Variants in WWOX observed in about 807,000 individuals in gnomAD.
The protein encoded by WWOX is WW domain containing oxidoreductase.
WWOX carries 69 observed loss-of-function variants against 46.2 expected under a neutral mutation model. The ratio of observed to expected loss-of-function variants is 1.49; its 90% confidence interval spans 1.23 to 1.82. WWOX has a LOEUF of 1.82. Ranked by LOEUF, WWOX falls within the 40% of genes most tolerant of loss-of-function variation. The pLI is 0.00. For missense variants in WWOX, 919 were observed against 542.6 expected, an observed-to-expected ratio of 1.69 and a Z score of -6.89; for synonymous variants, 359 against 202.6, an observed-to-expected ratio of 1.77 and a Z score of -6.56.
chr16:78,501,662 G>A (rs56168832), intron 8 of WWOX, among the ~76,000 whole-genome samples: 3,179 of 151,712 alleles, frequency 0.021, 84 homozygotes, highest in African/African-American at 0.064. Flanking sequence ...TCAGCCTTCC[G>A]AGTAACTAGG....
chr16:78,361,960 A>G (rs1053872502), intron 5 of WWOX, among the ~76,000 whole-genome samples: 2 of 129,500 alleles, frequency 1.5e-5, no homozygotes, highest in African/African-American at 6.0e-5. Context: ...GCGTAGATTC[A>G]CAGGTATTTC....
At chr16:79,010,258 A>C (rs1259479400) in intron 8 of WWOX, among the ~76,000 whole-genome samples, 2 of 152,144 alleles carry the variant, frequency 1.3e-5, no homozygotes, top group Non-Finnish European at 2.9e-5. Context: ...GGAGCTGGGG[A>C]CTCAGAGAGG....
At chr16:78,106,487 G>A (rs933496265) in intron 1 of WWOX, among the ~76,000 whole-genome samples, 1 of 138,770 alleles carries the variant, frequency 7.2e-6, no homozygotes, top group Non-Finnish European at 1.5e-5. Flanking sequence ...CACGATCTCA[G>A]CTCACCGCAG....
At chr16:78,355,696 G>C (rs1273448090) in intron 5 of WWOX, 3 of 736,528 alleles carry the variant, frequency 4.1e-6, no homozygotes, top group African/African-American at 1.8e-5. Flanking sequence ...TGGGAGACGT[G>C]GAAGAAACTG....
chr16:78,170,104 G>A (rs933187999), intron 5 of WWOX, among the ~76,000 whole-genome samples: 12 of 152,110 alleles, frequency 7.9e-5, no homozygotes, highest in African/African-American at 2.4e-4. Flanking sequence ...TCTCATATGG[G>A]AGGGGTGACC....
chr16:78,733,697 G>A (rs935496875), intron 8 of WWOX, among the ~76,000 whole-genome samples: 1 of 152,030 alleles, frequency 6.6e-6, no homozygotes, highest in African/African-American at 2.4e-5. Flanking sequence ...GGAGGTTGCA[G>A]TGAGCCGAGA....
intron 5 of WWOX, among the ~76,000 whole-genome samples, chr16:78,380,667 C>G (rs1211292629): frequency 1.3e-5 from 2 of 152,106 alleles, no homozygotes; most frequent in East Asian, 1.9e-4. Flanking sequence ...AACTACTGAT[C>G]AGGTATCATG....
chr16:78,349,836 G>A (rs11649644), intron 5 of WWOX, among the ~76,000 whole-genome samples: 59,989 of 118,868 alleles, frequency 0.5, 23,497 homozygotes, highest in African/African-American at 0.64. Flanking sequence ...ACTCAACTTT[G>A]AGCTATATTG....
At chr16:78,296,176 G>T (rs2079940848) in intron 5 of WWOX, among the ~76,000 whole-genome samples, 1 of 152,106 alleles carries the variant, frequency 6.6e-6, no homozygotes, top group Admixed American at 6.5e-5. Context: ...TGGGAAATTT[G>T]TAAAGCCTTA....
chr16:78,669,756 A>G (rs1460969495), intron 8 of WWOX, among the ~76,000 whole-genome samples: 1 of 152,162 alleles, frequency 6.6e-6, no homozygotes, highest in East Asian at 1.9e-4. Context: ...TTCCCTTGAA[A>G]TTTGCATCCA....
intron 8 of WWOX, among the ~76,000 whole-genome samples, chr16:78,632,070 G>A (rs1286064558): frequency 1.3e-5 from 2 of 152,042 alleles, no homozygotes; most frequent in African/African-American, 4.8e-5. Flanking sequence ...ATGAAATCCA[G>A]AAACTGGAGA....
chr16:78,544,841 C>G (rs72803941), intron 8 of WWOX, among the ~76,000 whole-genome samples: 11,548 of 152,174 alleles, frequency 0.076, 549 homozygotes, highest in East Asian at 0.12. Flanking sequence ...CTCCACTGCA[C>G]TCTAGCATGC....
chr16:78,466,022 G>GT (rs1004930875), intron 8 of WWOX, among the ~76,000 whole-genome samples: 7 of 137,116 alleles, frequency 5.1e-5, no homozygotes, highest in African/African-American at 1.3e-4. Context: ...AGTTTCTTTA[G>GT]TTTTTTTTGG....
intron 8 of WWOX, among the ~76,000 whole-genome samples, chr16:79,132,680 A>G (rs1182181581): frequency 6.6e-6 from 1 of 152,016 alleles, no homozygotes; most frequent in Non-Finnish European, 1.5e-5. Flanking sequence ...TATTACTTAT[A>G]TTGTCGCTTA....
intron 5 of WWOX, among the ~76,000 whole-genome samples, chr16:78,278,981 G>A (rs1396164286): frequency 1.3e-5 from 2 of 152,026 alleles, no homozygotes; most frequent in African/African-American, 4.8e-5. Flanking sequence ...CATCTCTATT[G>A]TATTATCTGA....
chr16:79,203,968 C>G (rs1281384064), intron 8 of WWOX: 1 of 152,114 alleles, frequency 6.6e-6, no homozygotes, highest in Non-Finnish European at 1.5e-5. Flanking sequence ...TATAAACACC[C>G]AGCAGTCCTT....
At chr16:78,497,893 A>G (rs1189180720) in intron 8 of WWOX, among the ~76,000 whole-genome samples, 1 of 151,822 alleles carries the variant, frequency 6.6e-6, no homozygotes, top group African/African-American at 2.4e-5. Context: ...TTTAAAGGGA[A>G]TTTGGTATTT....
intron 8 of WWOX, among the ~76,000 whole-genome samples, chr16:78,721,043 T>C (rs2048677252): frequency 6.6e-6 from 1 of 152,082 alleles, no homozygotes. Flanking sequence ...TTCTTATTAG[T>C]CTATAAGATT....
chr16:78,336,345 A>C (rs2080887184), intron 5 of WWOX, among the ~76,000 whole-genome samples: 1 of 150,004 alleles, frequency 6.7e-6, no homozygotes, highest in East Asian at 2.0e-4. Context: ...AAAAAAAAAA[A>C]AACCACAACA....
Sources: allele counts gnomAD v4.1 joint callset (sites outside exome capture counted in the v4.1 genomes callset), GRCh38; gene constraint gnomAD v4.1.1; transcripts MANE v1.5; gene names NCBI Gene and HGNC (gene_info 2026-07-23, HGNC 2026-07-21).